The following ESRRB variants were observed in gnomAD, a reference collection of about 807,000 sequenced individuals.
ESRRB encodes estrogen related receptor beta.
ESRRB carries 16 observed loss-of-function variants against 46.0 expected under a neutral mutation model. The observed-to-expected ratio is 0.35, with a 90% CI of 0.24 to 0.53. ESRRB has a LOEUF of 0.53. Among genes scored for constraint, ESRRB ranks in the 20% least tolerant of loss-of-function variants. The pLI, the probability that ESRRB is intolerant of heterozygous loss-of-function variation, is 0.93. For missense variants in ESRRB, 488 were observed against 607.4 expected, an observed-to-expected ratio of 0.80 and a Z score of 2.07; for synonymous variants, 246 against 259.6, an observed-to-expected ratio of 0.95 and a Z score of 0.50.
chr14:76,439,385 G>T lies in ESRRB; in HGVS notation c.95G>T (p.Ser32Ile), dbSNP rs1402068644. The T allele has an allele frequency of 1.9e-6, 3 of 1,613,696 alleles. No individual in the cohort carries two copies. The South Asian group carries it at 3.3e-5, about 18-fold the overall frequency. Residue 32 changes from serine to isoleucine, a missense_variant, in exon 2 of 7, where the codon AGC (serine) becomes ATC (isoleucine). By Grantham distance (142) the Ser-to-Ile change is moderately radical (BLOSUM62 -2). Coordinates refer to ENST00000644823, the MANE Select transcript of ESRRB (RefSeq NM_001379180.1). ...TCGGACGACAGGCACCTGGGCTCCA[G>T]CTGCGGCTCCTTCATCAAGACTGAG... is the stretch of plus-strand genomic sequence containing the variant. ...MSSDDRHLGS[S>I]CGSFIKTEPS...
At chr14:76,441,582 T>G (rs1461672631) in intron 2 of ESRRB, among the ~76,000 whole-genome samples, 12 of 152,186 alleles carry the variant, frequency 7.9e-5, no homozygotes, top group Non-Finnish European at 1.5e-4. Flanking sequence ...CCTCCCAAAG[T>G]GCTGGGATTA....
chr14:76,455,039 A>AGGAGTTTGAGACCAGCCTGGCC (rs1595135240), intron 2 of ESRRB, among the ~76,000 whole-genome samples: 4 of 151,996 alleles, frequency 2.6e-5, no homozygotes, highest in Admixed American at 1.3e-4. Context: ...CAACATGGTG[A>AGGAGTTTGAGACCAGCCTGGCC]AACCCCGTCT....
chr14:76,419,653 T>C (rs1194493253), intron 1 of ESRRB, among the ~76,000 whole-genome samples: 1 of 152,164 alleles, frequency 6.6e-6, no homozygotes, highest in Non-Finnish European at 1.5e-5. Flanking sequence ...GGGGAGGTTG[T>C]GACAACTTGG....
chr14:76,329,371 C>T (rs977182803), intron 1 of ESRRB, among the ~76,000 whole-genome samples: 1 of 152,170 alleles, frequency 6.6e-6, no homozygotes, highest in Admixed American at 6.5e-5. Context: ...CCATTCCCGT[C>T]CCTCTGCAGG....
intron 1 of ESRRB, among the ~76,000 whole-genome samples, chr14:76,424,893 C>G (rs149123663): frequency 2.6e-5 from 4 of 152,092 alleles, no homozygotes; most frequent in African/African-American, 4.8e-5. Flanking sequence ...TGCACCACCA[C>G]GCCCGGCTAA....
chr14:76,424,235 A>G (rs1887100838), intron 1 of ESRRB, among the ~76,000 whole-genome samples: 1 of 152,228 alleles, frequency 6.6e-6, no homozygotes, highest in Non-Finnish European at 1.5e-5. Flanking sequence ...CAGAGATCAG[A>G]ACAGGGTTCT....
At chr14:76,477,575 C>A (rs1313384792) in intron 3 of ESRRB, among the ~76,000 whole-genome samples, 2 of 152,138 alleles carry the variant, frequency 1.3e-5, no homozygotes, top group Admixed American at 1.3e-4. Context: ...CTGAAATAAC[C>A]CGTAAGGGAC....
intron 1 of ESRRB, among the ~76,000 whole-genome samples, chr14:76,415,649 G>C (rs1886665887): frequency 6.6e-6 from 1 of 152,130 alleles, no homozygotes. Flanking sequence ...GAAAGAGTGA[G>C]ACTCTATCTC....
intron 1 of ESRRB, among the ~76,000 whole-genome samples, chr14:76,340,242 C>T (rs1007520742): frequency 6.6e-6 from 1 of 152,192 alleles, no homozygotes; most frequent in East Asian, 1.9e-4. Context: ...TCAGATAACA[C>T]CCCTCAGAGT....
chr14:76,396,243 T>A (rs934946605), intron 1 of ESRRB, among the ~76,000 whole-genome samples: 1 of 152,220 alleles, frequency 6.6e-6, no homozygotes, highest in African/African-American at 2.4e-5. Flanking sequence ...TGGACTGAGA[T>A]AAAAATACAG....
intron 3 of ESRRB, among the ~76,000 whole-genome samples, chr14:76,472,396 A>G (rs142748041): frequency 6.6e-6 from 1 of 152,348 alleles, no homozygotes; most frequent in East Asian, 1.9e-4. Context: ...ACTAACACTT[A>G]TCCACCACAG....
intron 1 of ESRRB, among the ~76,000 whole-genome samples, chr14:76,316,440 G>C (rs181324585): frequency 6.7e-6 from 1 of 150,360 alleles, no homozygotes; most frequent in South Asian, 2.2e-4. Context: ...AGTAGTCATA[G>C]TAGTAGTACA....
intron 1 of ESRRB, among the ~76,000 whole-genome samples, chr14:76,334,866 C>A (rs1453891939): frequency 6.6e-6 from 1 of 152,196 alleles, no homozygotes; most frequent in African/African-American, 2.4e-5. Context: ...CTGACCATCT[C>A]CTTAGGGTTT....
chr14:76,435,034 A>G (rs1887614100), intron 1 of ESRRB, among the ~76,000 whole-genome samples: 1 of 152,082 alleles, frequency 6.6e-6, no homozygotes, highest in African/African-American at 2.4e-5. Context: ...TTCCTTCTGT[A>G]AGGTGGGGAT....
chr14:76,385,866 C>T (rs1348147759), intron 1 of ESRRB, among the ~76,000 whole-genome samples: 1 of 152,210 alleles, frequency 6.6e-6, no homozygotes, highest in Non-Finnish European at 1.5e-5. Flanking sequence ...CCCAGAACTA[C>T]AGAAATTAGA....
chr14:76,363,175 C>T (rs987896569), intron 1 of ESRRB, among the ~76,000 whole-genome samples: 6 of 152,296 alleles, frequency 3.9e-5, no homozygotes, highest in African/African-American at 1.2e-4. Context: ...AATAAAACCA[C>T]ATATTTGGTC....
At chr14:76,442,114 C>T (rs1431229190) in intron 2 of ESRRB, among the ~76,000 whole-genome samples, 1 of 152,210 alleles carries the variant, frequency 6.6e-6, no homozygotes, top group Non-Finnish European at 1.5e-5. Flanking sequence ...AGAGTTCCAT[C>T]GTCCCCTTAT....
intron 3 of ESRRB, among the ~76,000 whole-genome samples, chr14:76,465,239 C>T (rs1219699805): frequency 6.6e-6 from 1 of 152,170 alleles, no homozygotes; most frequent in African/African-American, 2.4e-5. Flanking sequence ...CTGGAACTTT[C>T]CTTGCCCTGT....
In ESRRB at chr14:76,315,228, G is replaced by A. The variant is rs9652374; in HGVS notation, c.2+4312G>A. Among the ~76,000 whole-genome samples the A allele has an allele frequency of 6.0e-3, 911 of 151,752 alleles. 10 individuals carry two copies. Among genetic ancestry groups the A allele is most frequent in the African/African-American group, 0.021 (861 of 41,346 alleles). On this transcript the variant is annotated intron_variant, in intron 1 of 6. Transcript: ENST00000512784. ...CCTTCTCCCTTTTCCTGGGGCTTTC[G>A]AGGTCCTCGCCTGGTCTCCCTCCAT...
Sources: gnomAD v4.1 joint callset for allele counts (sites outside exome capture counted in the v4.1 genomes callset) on GRCh38, gnomAD v4.1.1 for gene constraint, MANE v1.5 for transcripts, NCBI Gene and HGNC (gene_info 2026-07-23, HGNC 2026-07-21) for gene names.